The following PSMG4 variants were observed in gnomAD, a reference collection of about 807,000 sequenced individuals.
PSMG4 encodes the protein proteasome assembly chaperone 4.
Under a neutral mutation model 11.0 loss-of-function variants are expected in PSMG4, and 10 were observed. That is an observed-to-expected ratio of 0.91 (90% CI 0.56 to 1.54). The LOEUF (loss-of-function observed/expected upper bound fraction) is 1.54. Among genes scored for constraint, PSMG4 ranks in the 40% most tolerant of loss-of-function variants. The pLI is 0.00. For missense variants in PSMG4, 198 were observed against 160.9 expected, an observed-to-expected ratio of 1.23 and a Z score of -1.25; for synonymous variants, 95 against 71.3, an observed-to-expected ratio of 1.33 and a Z score of -1.68.
intron 2 of PSMG4, chr6:3,264,253 T>G (rs4959786): frequency 1.9e-5 from 29 of 1,551,146 alleles, no homozygotes; most frequent in Non-Finnish European, 2.5e-5. Context: ...TGGCGTAGAG[T>G]GGGGATTAAG....
At chr6:3,254,459 G>A (rs953418074), upstream of PSMG4, among the ~76,000 whole-genome samples, 1 of 130,728 alleles carries the variant, frequency 7.6e-6, no homozygotes, top group East Asian at 2.2e-4. Context: ...TGCTTTTTTT[G>A]TGTGTCTTTT....
upstream of PSMG4, chr6:3,254,986 C>G (rs565364610): frequency 2.0e-6 from 3 of 1,507,398 alleles, no homozygotes; most frequent in Middle Eastern, 1.7e-4. Context: ...CTGTGGATCC[C>G]ATGGACCTAG....
rs1168895967 is a variant in PSMG4, at chr6:3,259,112, C to T, written c.90C>T (p.Val30=). ...RLWEQLVHFH[V]MRLTDSLFLW... ...GGGAGCAGCTGGTCCACTTCCACGT[C>T]ATGCGGCTGACGGACTCGCTGTTCC... is the stretch of plus-strand genomic sequence containing the variant. The change falls in exon 1 of 3, where the codon GTC becomes GTT. Residue 30 remains valine (V), a synonymous_variant. Coordinates refer to ENST00000438998, the MANE Select transcript of PSMG4 (RefSeq NM_001128591.2). 19 of 1,280,422 alleles carry T rather than the reference C, an allele frequency of 1.5e-5. No homozygotes were observed. The East Asian group carries it at 5.6e-4, about 38-fold the overall frequency. 79.3% of individuals were successfully genotyped at this position (1,280,422 alleles called of 1,614,324 possible).
In PSMG4 at chr6:3,264,119, C is replaced by T. The variant is rs573776719; in HGVS notation, c.250+360C>T. ...GTGGGTGGTGGCTCAAGGTAGCCTC[C>T]CGGGCCTTAGGAGGAGTCAGTGCAG... On this transcript the variant is annotated intron_variant, in intron 2 of 2. Coordinates refer to ENST00000438998, the MANE Select transcript of PSMG4 (RefSeq NM_001128591.2). 1.0e-4 allele frequency: 157 copies of T among 1,521,838 alleles called. 1 individual carries two copies. In the African/African-American group the frequency reaches 1.3e-3, roughly 13 times the overall value. 94.3% of individuals were successfully genotyped at this position (1,521,838 alleles called of 1,614,324 possible).
chr6:3,259,061 C>T lies in PSMG4; in HGVS notation c.39C>T (p.Ser13=), dbSNP rs1341041369. 2.4e-6 allele frequency: 3 copies of T among 1,264,750 alleles called. No homozygotes were observed. Among genetic ancestry groups the T allele is most frequent in the South Asian group, 3.1e-5 (1 of 32,334 alleles). The allele number at this position is 1,264,750 out of a possible 1,614,324, so 78.3% of individuals were successfully genotyped here. A position where few individuals can be genotyped will look rare whatever the true frequency, so the allele number is the denominator to read the frequency against. ...TTGTCGCCGCCGGCGGGGACGTCTCCCTGCACAACTTCAGCGCGAGGCTGT... is the reference window on the plus strand; with the variant it reads ...TTGTCGCCGCCGGCGGGGACGTCTCTCTGCACAACTTCAGCGCGAGGCTGT... ...GLVVAAGGDV[S]LHNFSARLWE... is the part of the protein sequence containing the mutation. The change falls in exon 1 of 3, where the codon TCC becomes TCT. Residue 13 remains serine (S), a synonymous_variant. Coordinates refer to ENST00000438998, the MANE Select transcript of PSMG4 (RefSeq NM_001128591.2).
rs766330958 is a variant in PSMG4, at chr6:3,264,049, T to C, written c.250+290T>C. ...GATTTAGTTGCCTTCCGTAAGTGCA[T>C]CACCACCTCCTGGGAGGAGAGCATG... is the stretch of plus-strand genomic sequence containing the variant. On this transcript the variant is annotated intron_variant, in intron 2 of 2. Transcript: ENST00000438998. The C allele has an allele frequency of 2.0e-5, 28 of 1,421,438 alleles. No homozygotes were observed. In the Middle Eastern group the frequency reaches 9.0e-4, roughly 46 times the overall value. 88.1% of individuals were successfully genotyped at this position (1,421,438 alleles called of 1,614,324 possible). A position where few individuals can be genotyped will look rare whatever the true frequency, so the allele number is the denominator to read the frequency against.
At chr6:3,261,874 T>G (rs1356265912) in intron 1 of PSMG4, among the ~76,000 whole-genome samples, 1 of 152,160 alleles carries the variant, frequency 6.6e-6, no homozygotes, top group Admixed American at 6.5e-5. Flanking sequence ...ATAGAGACTT[T>G]GTAATCCATA....
At chr6:3,254,746 C>G (rs529839081), upstream of PSMG4, among the ~76,000 whole-genome samples, 19 of 152,136 alleles carry the variant, frequency 1.2e-4, no homozygotes, top group South Asian at 4.2e-4. Context: ...CCCTGTGCCT[C>G]TTTTAAAAAC....
At chr6:3,255,434 T>A (rs779623984), upstream of PSMG4, among the ~76,000 whole-genome samples, 1 of 137,414 alleles carries the variant, frequency 7.3e-6, no homozygotes, top group Non-Finnish European at 1.6e-5. Flanking sequence ...TCCAGCCACA[T>A]GCCCCTTCTC....
rs776042978 is a variant in PSMG4 at position 3,267,643 on chromosome 6, C to A, written c.303C>A (p.Asp101Glu). ...VFVSYNLQNT[D>E]SNFALLVENR... ...TCAGCTATAACCTTCAGAACACAGACAGTAACTTCGCATTACTTGTAGAAA... is the reference window on the plus strand; with the variant it reads ...TCAGCTATAACCTTCAGAACACAGAAAGTAACTTCGCATTACTTGTAGAAA... Residue 101 changes from aspartate to glutamate, a missense_variant, in exon 3 of 3, where the codon GAC becomes GAA. Coordinates refer to ENST00000438998, the MANE Select transcript of PSMG4 (RefSeq NM_001128591.2). 2 of 1,552,092 alleles carry A rather than the reference C, an allele frequency of 1.3e-6. No individual in the cohort carries two copies. The highest frequency in any genetic ancestry group is 2.4e-5 in the South Asian group (2 of 84,062).
At position 3,267,666 on chromosome 6, in the gene PSMG4, A is replaced by C; in HGVS notation, c.326A>C (p.Glu109Ala). 2 of 1,552,302 alleles carry C rather than the reference A, an allele frequency of 1.3e-6. No individual in the cohort carries two copies. Among genetic ancestry groups the C allele is most frequent in the Non-Finnish European group, 1.7e-6 (2 of 1,147,096 alleles). ...GACAGTAACTTCGCATTACTTGTAG[A>C]AAACAGGATCAAGGAAGAGATGGAG... is the stretch of plus-strand genomic sequence containing the variant. ...NTDSNFALLV[E>A]NRIKEEMEAF... The change falls in exon 3 of 3, where the codon GAA (glutamate) becomes GCA (alanine). Residue 109 changes from glutamate (E) to alanine (A), a missense_variant. By Grantham distance (107) the Glu-to-Ala change is moderately radical (BLOSUM62 -1). Transcript: ENST00000438998.
At chr6:3,259,748 G>A (rs1757904780) in intron 1 of PSMG4, among the ~76,000 whole-genome samples, 1 of 152,126 alleles carries the variant, frequency 6.6e-6, no homozygotes, top group South Asian at 2.1e-4. Context: ...CCTAGGCACT[G>A]CCGCCAGTCA....
intron 2 of PSMG4, chr6:3,265,434 T>C (rs899510861): frequency 2.0e-5 from 3 of 152,286 alleles, no homozygotes; most frequent in Non-Finnish European, 4.4e-5. Flanking sequence ...CAACCTCCTA[T>C]GGCCCTGGAG....
At chr6:3,261,517 C>T (rs1048794755) in intron 1 of PSMG4, among the ~76,000 whole-genome samples, 9 of 152,296 alleles carry the variant, frequency 5.9e-5, no homozygotes, top group Non-Finnish European at 8.8e-5. Context: ...ATGGTGGTCA[C>T]AGCTCCCAGT....
chr6:3,267,810 GTTT>G lies in PSMG4; in HGVS notation c.*101_*103del. The G allele has an allele frequency of 1.2e-5, 15 of 1,260,684 alleles. No homozygotes were observed. Among genetic ancestry groups the G allele is most frequent in the Non-Finnish European group, 1.5e-5 (14 of 911,786 alleles). 78.1% of individuals were successfully genotyped at this position (1,260,684 alleles called of 1,614,324 possible). A position where few individuals can be genotyped will look rare whatever the true frequency, so the allele number is the denominator to read the frequency against. ...TGTCATCAGGCCGCGCTCCCGTTTT[GTTT>G]TTAAGGGGTTAATCTTTTGAGCTTC... On this transcript the variant is annotated 3_prime_UTR_variant, in exon 3 of 3. Transcript: ENST00000438998.
chr6:3,264,337 A>C, intron 2 of PSMG4: 1 of 1,548,284 alleles, frequency 6.5e-7, no homozygotes, highest in Non-Finnish European at 8.7e-7. Context: ...TAAGGCTTCC[A>C]TGTGCTCTGC....
chr6:3,255,054 C>G (rs1561836660), upstream of PSMG4: 2 of 1,550,828 alleles, frequency 1.3e-6, no homozygotes, highest in Non-Finnish European at 1.7e-6. Flanking sequence ...TGGACAGGAA[C>G]AAACACACTT....
chr6:3,259,221 C>A (rs1561839913), intron 1 of PSMG4, 25 bp downstream of exon 1: 1 of 1,198,996 alleles, frequency 8.3e-7, no homozygotes, highest in Non-Finnish European at 1.0e-6. Context: ...GCCGAGGGTG[C>A]GGGCGGCGGG....
chr6:3,266,241 C>CT (rs2127264884), intron 2 of PSMG4: 1 of 152,276 alleles, frequency 6.6e-6, no homozygotes, highest in East Asian at 1.9e-4. Context: ...CTGAGCCACA[C>CT]TGCCTCTCAG....
Sources: allele counts gnomAD v4.1 joint callset (sites outside exome capture counted in the v4.1 genomes callset), GRCh38; gene constraint gnomAD v4.1.1; transcripts MANE v1.5; gene names NCBI Gene and HGNC (gene_info 2026-07-23, HGNC 2026-07-21).